Variants in UNC5C observed in about 807,000 individuals in gnomAD.
The protein encoded by UNC5C is unc-5 netrin receptor C.
In UNC5C, 47 loss-of-function variants were observed where a neutral mutation model predicts 99.8. The observed-to-expected ratio is 0.47, with a 90% CI of 0.37 to 0.60. The LOEUF is 0.60. UNC5C is among the 20% of genes least tolerant of loss of function. The pLI, the probability that UNC5C is intolerant of heterozygous loss-of-function variation, is 0.00. For missense variants in UNC5C, 1,062 were observed against 1,165.9 expected, an observed-to-expected ratio of 0.91 and a Z score of 1.30; for synonymous variants, 487 against 452.2, an observed-to-expected ratio of 1.08 and a Z score of -0.98.
intron 1 of UNC5C, among the ~76,000 whole-genome samples, chr4:95,542,042 T>C (rs1004370476): frequency 1.8e-4 from 27 of 152,092 alleles, no homozygotes; most frequent in African/African-American, 6.5e-4. Context: ...TGCTGAGAAA[T>C]GAAACTAGCC....
Position 95,202,885 on chromosome 4 carries a change from G to T in UNC5C, c.1982C>A (p.Thr661Lys), listed in dbSNP as rs1369479901. 6 of 1,614,246 alleles carry T rather than the reference G, an allele frequency of 3.7e-6. No individual in the cohort carries two copies. The highest frequency in any genetic ancestry group is 5.1e-6 in the Non-Finnish European group (6 of 1,180,048). ...CAGGGCGTAGGTGCTGAGGTTCTCT[G>T]TGAGGATGTGGCAGGCCTCTGCATC... ...QLDAEACHILTENLSTYALVG... is the reference protein window; with the variant it reads ...QLDAEACHILKENLSTYALVG... The change falls in exon 12 of 16, where the codon ACA becomes AAA. Residue 661 changes from threonine (T) to lysine (K), a missense_variant. Coordinates refer to ENST00000453304, the MANE Select transcript of UNC5C (RefSeq NM_003728.4).
chr4:95,534,613 A>G (rs1722729644), intron 1 of UNC5C, among the ~76,000 whole-genome samples: 1 of 152,112 alleles, frequency 6.6e-6, no homozygotes, highest in South Asian at 2.1e-4. Flanking sequence ...TGATCTTTGG[A>G]TATTTTTTCC....
intron 14 of UNC5C, among the ~76,000 whole-genome samples, chr4:95,175,694 A>C (rs566072687): frequency 6.6e-6 from 1 of 151,852 alleles, no homozygotes; most frequent in Admixed American, 6.6e-5. Context: ...CTTCATTTCA[A>C]CTTTGGTGAA....
intron 4 of UNC5C, among the ~76,000 whole-genome samples, chr4:95,256,125 T>A (rs1193785517): frequency 2.0e-5 from 3 of 152,144 alleles, no homozygotes; most frequent in Non-Finnish European, 2.9e-5. Context: ...AGGCTAACAT[T>A]TGTGTCCCTG....
intron 1 of UNC5C, among the ~76,000 whole-genome samples, chr4:95,432,875 C>T (rs941116314): frequency 6.6e-6 from 1 of 152,126 alleles, no homozygotes. Context: ...GAGCAATCTG[C>T]TCCACAGCCT....
chr4:95,298,201 A>G (rs1741732945), intron 3 of UNC5C, among the ~76,000 whole-genome samples: 2 of 152,052 alleles, frequency 1.3e-5, no homozygotes, highest in Admixed American at 1.3e-4. Context: ...AGTCCCAGCT[A>G]CCTGGGAGGC....
intron 2 of UNC5C, among the ~76,000 whole-genome samples, chr4:95,307,473 TC>T (rs1165092150): frequency 2.6e-5 from 4 of 152,038 alleles, no homozygotes; most frequent in Non-Finnish European, 5.9e-5. Context: ...CAATCAATGA[TC>T]AGTAAGATGA....
chr4:95,495,865 C>T (rs573850556), intron 1 of UNC5C, among the ~76,000 whole-genome samples: 24 of 151,738 alleles, frequency 1.6e-4, no homozygotes, highest in Admixed American at 1.4e-3. Context: ...CAAAGATTTA[C>T]TAAAGTTCAA....
chr4:95,416,081 T>C (rs1472497350), intron 1 of UNC5C, among the ~76,000 whole-genome samples: 2 of 152,092 alleles, frequency 1.3e-5, no homozygotes, highest in Non-Finnish European at 2.9e-5. Context: ...ATACATTTAT[T>C]TGTGAATGTT....
At chr4:95,311,464 A>G (rs895111388) in intron 2 of UNC5C, among the ~76,000 whole-genome samples, 4 of 152,194 alleles carry the variant, frequency 2.6e-5, no homozygotes, top group Non-Finnish European at 4.4e-5. Flanking sequence ...TGGAAAATAT[A>G]ATTCCTAATT....
At chr4:95,491,075 T>C (rs1360513288) in intron 1 of UNC5C, among the ~76,000 whole-genome samples, 2 of 151,524 alleles carry the variant, frequency 1.3e-5, no homozygotes, top group East Asian at 2.0e-4. Flanking sequence ...AAAAGTAAGA[T>C]GAGGGGGATC....
chr4:95,471,106 G>A (rs1340584277), intron 1 of UNC5C, among the ~76,000 whole-genome samples: 2 of 151,514 alleles, frequency 1.3e-5, no homozygotes, highest in Non-Finnish European at 2.9e-5. Context: ...AAGACTGGCT[G>A]GAACTTAAAA....
chr4:95,170,014 C>T, intron 15 of UNC5C, 140 bp downstream of exon 15: 1 of 1,085,132 alleles, frequency 9.2e-7, no homozygotes, highest in Non-Finnish European at 1.3e-6. Flanking sequence ...AAGGACAGAG[C>T]TTAATGCATA....
chr4:95,257,025 C>T (rs1008466801), intron 4 of UNC5C, among the ~76,000 whole-genome samples: 4 of 151,994 alleles, frequency 2.6e-5, no homozygotes, highest in African/African-American at 9.7e-5. Flanking sequence ...CTTTCCCAGC[C>T]CACTGACTCA....
intron 1 of UNC5C, among the ~76,000 whole-genome samples, chr4:95,417,552 G>A (rs971482662): frequency 2.6e-5 from 4 of 152,122 alleles, no homozygotes; most frequent in Non-Finnish European, 5.9e-5. Flanking sequence ...GAAAAAAGGA[G>A]GCAAGCATCT....
chr4:95,290,082 C>T (rs1002627884), intron 3 of UNC5C, among the ~76,000 whole-genome samples: 4 of 151,998 alleles, frequency 2.6e-5, no homozygotes, highest in Non-Finnish European at 5.9e-5. Flanking sequence ...GATTGGGGAT[C>T]GCTTGAGGCC....
chr4:95,437,948 G>A (rs1746839100), intron 1 of UNC5C, among the ~76,000 whole-genome samples: 1 of 152,092 alleles, frequency 6.6e-6, no homozygotes, highest in South Asian at 2.1e-4. Flanking sequence ...AGGCAGAGCT[G>A]CAGGTAAACT....
At chr4:95,376,913 C>G (rs1453197605) in intron 1 of UNC5C, among the ~76,000 whole-genome samples, 1 of 152,222 alleles carries the variant, frequency 6.6e-6, no homozygotes, top group African/African-American at 2.4e-5. Flanking sequence ...CCCTCCAGTG[C>G]TCCCTTTACA....
chr4:95,426,742 A>T (rs1746499302), intron 1 of UNC5C, among the ~76,000 whole-genome samples: 2 of 152,236 alleles, frequency 1.3e-5, no homozygotes, highest in Non-Finnish European at 2.9e-5. Flanking sequence ...CTTAAGCAAA[A>T]GCCTAATCTA....
Sources: gnomAD v4.1 joint callset for allele counts (sites outside exome capture counted in the v4.1 genomes callset) on GRCh38, gnomAD v4.1.1 for gene constraint, MANE v1.5 for transcripts, NCBI Gene and HGNC (gene_info 2026-07-23, HGNC 2026-07-21) for gene names.